EDNRA: variants seen among roughly 807,000 people sequenced by gnomAD.
The protein encoded by EDNRA is endothelin receptor type A, also known as endothelin-1 receptor.
EDNRA carries 11 observed loss-of-function variants against 41.4 expected under a neutral mutation model. The ratio of observed to expected loss-of-function variants is 0.27; its 90% CI spans 0.17 to 0.44. The LOEUF is 0.44. EDNRA is among the 20% of genes least tolerant of loss of function. The probability of loss-of-function intolerance (pLI) is 1.00; values close to 1 mark genes in which losing one functional copy is unlikely to be tolerated. For synonymous variants in EDNRA, 172 were observed against 183.0 expected (o/e 0.94, Z 0.49); for missense variants, 294 against 531.0 (o/e 0.55, Z 4.39).
At chr4:147,481,752 T>C (rs4835084) in intron 1 of EDNRA, among the ~76,000 whole-genome samples, 1 of 152,078 alleles carries the variant, frequency 6.6e-6, no homozygotes, top group African/African-American at 2.4e-5. Flanking sequence ...TCCAGCGCCT[T>C]CTTGTGAAGT....
chr4:147,484,419 A>G (rs1158350405), intron 1 of EDNRA, among the ~76,000 whole-genome samples: 1 of 152,212 alleles, frequency 6.6e-6, no homozygotes, highest in Non-Finnish European at 1.5e-5. Context: ...TTTAGTGGTT[A>G]ACAGCTCCGG....
rs1731235492 is a variant in EDNRA, at chr4:147,544,841, T to C, written c.*2223T>C. 6.6e-6 allele frequency: 1 copy of C among 152,668 alleles called. No individual in the cohort carries two copies. 9.5% of individuals were successfully genotyped at this position (152,668 alleles called of 1,614,324 possible). ...GGTTTACTAGCAGGAATATTTCCAA[T>C]TTCTACCTTTACTACATCTTTTCAA... On this transcript the variant is annotated 3_prime_UTR_variant, in exon 8 of 8. Coordinates refer to ENST00000651419, the MANE Select transcript of EDNRA (RefSeq NM_001957.4).
In EDNRA at chr4:147,486,614, T is replaced by A. The variant is rs899840422; in HGVS notation, c.420+513T>A. Reference sequence around the variant, plus strand: ...GATTAAAGCCAAAGGGCATCCTGGCTTTTCTCAGTGATATGGGTGACTTAG... The same window carrying A: ...GATTAAAGCCAAAGGGCATCCTGGCATTTCTCAGTGATATGGGTGACTTAG... On this transcript the variant is annotated intron_variant, in intron 2 of 7. Transcript: ENST00000651419. The surrounding 1 kb of genome is among the most constrained non-coding windows in gnomAD (Gnocchi z 4.3). Among the ~76,000 whole-genome samples the A allele has an allele frequency of 6.6e-6, 1 of 152,244 alleles. No homozygotes were observed. The highest frequency in any genetic ancestry group is 1.5e-5 in the Non-Finnish European group (1 of 68,036).
chr4:147,528,218 T>G (rs1182623982), intron 3 of EDNRA, among the ~76,000 whole-genome samples: 3 of 152,220 alleles, frequency 2.0e-5, no homozygotes, highest in African/African-American at 7.2e-5. Context: ...GTAACAGGCA[T>G]GAAAACGCCA....
intron 3 of EDNRA, among the ~76,000 whole-genome samples, chr4:147,525,682 G>A (rs1311980372): frequency 4.0e-5 from 6 of 151,664 alleles, no homozygotes; most frequent in Non-Finnish European, 8.8e-5. Flanking sequence ...AGATGATGAT[G>A]ATGGGGTCAG....
At chr4:147,532,464 T>C (rs1416235567) in intron 3 of EDNRA, 42 bp from the exon 4 acceptor site, 1 of 1,589,392 alleles carries the variant, frequency 6.3e-7, no homozygotes, top group Non-Finnish European at 8.6e-7. Context: ...GAAATACATT[T>C]AAAATTTCCT....
rs368954857 is a variant in EDNRA at position 147,497,217 on chromosome 4, A to C, written c.420+11116A>C. 1.1e-3 allele frequency among the ~76,000 whole-genome samples: 138 copies of C among 130,826 alleles called. 6 individuals are homozygous for C. In the South Asian group the frequency reaches 0.031, roughly 29 times the overall value. The allele number at this position is 130,826 out of a possible 152,430, so 85.8% of individuals were successfully genotyped here. A position where few individuals can be genotyped will look rare whatever the true frequency, so the allele number is the denominator to read the frequency against. On this transcript the variant is annotated intron_variant, in intron 2 of 7. Transcript: ENST00000651419. ...TTGCTTTATTGCCCAGGCTGGTTTC[A>C]AACTCCTGGCTTCAAGTAATCCTCT...
chr4:147,510,836 A>T (rs1382861440), intron 2 of EDNRA, among the ~76,000 whole-genome samples: 6 of 152,204 alleles, frequency 3.9e-5, no homozygotes, highest in Admixed American at 3.9e-4. Flanking sequence ...GAGAAAGCAA[A>T]ATTAATCATA....
At chr4:147,532,325 CAAAAAAA>C (rs59851236) in intron 3 of EDNRA, among the ~76,000 whole-genome samples, 174 bp from the exon 4 acceptor site, 4 of 60,388 alleles carry the variant, frequency 6.6e-5, no homozygotes, top group East Asian at 6.3e-4. Flanking sequence ...GATTTTGCCT[CAAAAAAA>C]AAAAAAAAAA....
At chr4:147,522,849 T>C (rs1323163301) in intron 3 of EDNRA, among the ~76,000 whole-genome samples, 1 of 152,034 alleles carries the variant, frequency 6.6e-6, no homozygotes, top group African/African-American at 2.4e-5. Context: ...GTGCCCAAGG[T>C]TGTTGAGTTA....
At chr4:147,496,610 C>T (rs769928868) in intron 2 of EDNRA, among the ~76,000 whole-genome samples, 7 of 152,214 alleles carry the variant, frequency 4.6e-5, no homozygotes, top group Non-Finnish European at 1.0e-4. Context: ...CTAAGCCACT[C>T]ACTTTCCTGA....
intron 2 of EDNRA, among the ~76,000 whole-genome samples, chr4:147,497,737 AATTT>A (rs888891521): frequency 1.3e-5 from 2 of 151,986 alleles, no homozygotes; most frequent in African/African-American, 4.8e-5. Context: ...AAGCCTGGCT[AATTT>A]ATTTGTATTT....
chr4:147,483,321 TC>T (rs1331511375), intron 1 of EDNRA, among the ~76,000 whole-genome samples: 1 of 152,232 alleles, frequency 6.6e-6, no homozygotes, highest in African/African-American at 2.4e-5. Flanking sequence ...AAATTATGTG[TC>T]CTGCCATTTC....
At chr4:147,516,716 G>A (rs1730127963) in intron 2 of EDNRA, among the ~76,000 whole-genome samples, 1 of 151,994 alleles carries the variant, frequency 6.6e-6, no homozygotes. Flanking sequence ...TTTGGGTTTT[G>A]TTTTGTCTTG....
At chr4:147,533,625 A>T (rs1730825459) in intron 4 of EDNRA, among the ~76,000 whole-genome samples, 1 of 152,206 alleles carries the variant, frequency 6.6e-6, no homozygotes, top group Non-Finnish European at 1.5e-5. Flanking sequence ...TGCTCATGAA[A>T]ACTGCCAAAC....
chr4:147,492,652 C>A (rs930869423), intron 2 of EDNRA: 2 of 128,616 alleles, frequency 1.6e-5, no homozygotes, highest in African/African-American at 6.5e-5. Flanking sequence ...ACATTCATAT[C>A]ACAGAAGTTT....
intron 1 of EDNRA, among the ~76,000 whole-genome samples, chr4:147,484,130 G>T (rs1019674064): frequency 1.3e-5 from 2 of 152,084 alleles, no homozygotes; most frequent in Non-Finnish European, 2.9e-5. Flanking sequence ...ATTCATAAAA[G>T]CCTACAGAAA....
chr4:147,483,345 C>T (rs1373637378), intron 1 of EDNRA, among the ~76,000 whole-genome samples: 1 of 152,176 alleles, frequency 6.6e-6, no homozygotes, highest in Non-Finnish European at 1.5e-5. Flanking sequence ...GGCTTTGAAA[C>T]CTTGACCTAA....
intron 3 of EDNRA, among the ~76,000 whole-genome samples, chr4:147,521,036 T>A (rs534353559): frequency 1.1e-3 from 162 of 152,200 alleles, no homozygotes; most frequent in African/African-American, 3.6e-3. Flanking sequence ...ATGGGCTGAC[T>A]TCTTGAGCCC....
Sources: allele counts gnomAD v4.1 joint callset (sites outside exome capture counted in the v4.1 genomes callset), GRCh38; gene constraint gnomAD v4.1.1; non-coding constraint Gnocchi (gnomAD v3.1); transcripts MANE v1.5; gene names NCBI Gene and HGNC (gene_info 2026-07-23, HGNC 2026-07-21).